The following CLIC5 variants were observed in gnomAD, a reference collection of about 807,000 sequenced individuals.
CLIC5 encodes the protein chloride intracellular channel protein 5.
CLIC5 carries 20 observed loss-of-function variants against 24.7 expected under a neutral mutation model. The ratio of observed to expected loss-of-function variants is 0.81; its 90% CI spans 0.57 to 1.18. The LOEUF (loss-of-function observed/expected upper bound fraction) is 1.18. CLIC5 is among the 50% of genes most tolerant of loss of function. CLIC5 has a pLI of 0.00. For synonymous variants in CLIC5, 159 were observed against 135.6 expected (o/e 1.17, Z -1.20); for missense variants, 341 against 326.1 (o/e 1.05, Z -0.35).
chr6:45,929,769 G>A (rs1259778753), intron 4 of CLIC5, among the ~76,000 whole-genome samples: 2 of 152,206 alleles, frequency 1.3e-5, no homozygotes, highest in Non-Finnish European at 2.9e-5. Flanking sequence ...CAAAAGAACT[G>A]CTTCCAACAG....
chr6:45,894,314 C>T (rs921131946), downstream of CLIC5, among the ~76,000 whole-genome samples: 25 of 152,160 alleles, frequency 1.6e-4, no homozygotes, highest in African/African-American at 5.8e-4. Flanking sequence ...ATAGGTGCGC[C>T]TTTTGACTTA....
In CLIC5 at chr6:45,919,580, C is replaced by CA. The variant is rs1763171164; in HGVS notation, c.407-5172dup. 2.6e-5 allele frequency among the ~76,000 whole-genome samples: 4 copies of CA among 152,250 alleles called. No homozygotes were observed. The South Asian group carries it at 8.3e-4, about 32-fold the overall frequency. ...TTTAGTTTTCCCAGGTCAAATGGCCCACCAATCATTGAGCAGAAAGCCTCG... is the reference window on the plus strand; with the variant it reads ...TTTAGTTTTCCCAGGTCAAATGGCCCAACCAATCATTGAGCAGAAAGCCTCG... On this transcript the variant is annotated intron_variant, in intron 4 of 5. Coordinates refer to ENST00000339561, the MANE Select transcript of CLIC5 (RefSeq NM_016929.5).
At chr6:45,979,266 G>A (rs868149620) in intron 1 of CLIC5, among the ~76,000 whole-genome samples, 2 of 152,170 alleles carry the variant, frequency 1.3e-5, no homozygotes, top group African/African-American at 4.8e-5. Context: ...AATCTTCAAA[G>A]TTCAGGGGAA....
At chr6:46,110,401 C>T in the CLIC5 span, among the ~76,000 whole-genome samples, 1 of 152,172 alleles carries the variant, frequency 6.6e-6, no homozygotes, top group African/African-American at 2.4e-5. Flanking sequence ...ATCACCCCAA[C>T]AGGAAACTAT....
intron 1 of CLIC5, among the ~76,000 whole-genome samples, chr6:46,056,798 G>A (rs904395545): frequency 2.0e-5 from 3 of 152,170 alleles, no homozygotes; most frequent in African/African-American, 7.2e-5. Flanking sequence ...AAGTCAATGA[G>A]ATCTCTGTAT....
At chr6:46,083,604 C>G (rs1052843822), upstream of CLIC5, among the ~76,000 whole-genome samples, 1 of 152,050 alleles carries the variant, frequency 6.6e-6, no homozygotes, top group African/African-American at 2.4e-5. Context: ...TTTCTTAATC[C>G]TGAGTTCTAT....
At chr6:46,079,657 A>G (rs1252337127) in intron 1 of CLIC5, 4 of 1,468,810 alleles carry the variant, frequency 2.7e-6, no homozygotes, top group Non-Finnish European at 3.7e-6. Flanking sequence ...AACACCAGCC[A>G]TAATATCTGC....
intron 1 of CLIC5, among the ~76,000 whole-genome samples, chr6:46,035,179 CA>C (rs1375042444): frequency 6.6e-6 from 1 of 152,144 alleles, no homozygotes; most frequent in African/African-American, 2.4e-5. Context: ...TTCAAAGTAT[CA>C]ATGGCAAAAC....
In CLIC5 at chr6:45,908,336, T is replaced by C. The variant is rs1411689661; in HGVS notation, c.589-5081A>G. On this transcript the variant is annotated intron_variant, in intron 5 of 5. Coordinates refer to ENST00000339561, the MANE Select transcript of CLIC5 (RefSeq NM_016929.5). ...TAGCTTTGAGGTTAGTTTGTTCCTG[T>C]TTTTCTAGTTCCTCTAGGTGTGATG... Among the ~76,000 whole-genome samples, 4 of 152,146 alleles carry C rather than the reference T, an allele frequency of 2.6e-5. No individual in the cohort carries two copies. In the East Asian group the frequency reaches 5.8e-4, roughly 22 times the overall value.
the CLIC5 span, among the ~76,000 whole-genome samples, chr6:46,100,041 C>T: frequency 6.6e-6 from 1 of 151,402 alleles, no homozygotes; most frequent in South Asian, 2.1e-4. Flanking sequence ...AAATTGCCAA[C>T]CAGTTTTCTT....
the CLIC5 span, among the ~76,000 whole-genome samples, chr6:46,120,653 G>A: frequency 0.016 from 2,466 of 152,226 alleles, 26 homozygotes; most frequent in Non-Finnish European, 0.021. Flanking sequence ...GAGGAAGTAC[G>A]AACCCATCAT....
the CLIC5 span, among the ~76,000 whole-genome samples, chr6:46,096,883 T>C: frequency 5.9e-5 from 9 of 152,178 alleles, no homozygotes; most frequent in African/African-American, 2.2e-4. Context: ...AAATCTATAG[T>C]TTGTTAAAAG....
At chr6:45,942,428 C>T (rs1764165856) in intron 3 of CLIC5, among the ~76,000 whole-genome samples, 2 of 152,066 alleles carry the variant, frequency 1.3e-5, no homozygotes. Flanking sequence ...GAACCCAGGG[C>T]TTGGACTCAT....
intron 1 of CLIC5, among the ~76,000 whole-genome samples, chr6:46,038,123 T>C (rs150270308): frequency 4.4e-4 from 67 of 152,270 alleles, no homozygotes; most frequent in Middle Eastern, 6.8e-3. Flanking sequence ...GATATACTAA[T>C]TCTCAAGTAG....
chr6:45,979,951 C>CTTTTTTTTTTTTTTTTTTTTTTT (rs3997321), intron 1 of CLIC5, among the ~76,000 whole-genome samples: 2 of 95,042 alleles, frequency 2.1e-5, no homozygotes, highest in Non-Finnish European at 2.0e-5. Context: ...GACTTAGTCA[C>CTTTTTTTTTTTTTTTTTTTTTTT]TTTTTTTTTT....
At chr6:46,094,584 CTTCT>C in the CLIC5 span, among the ~76,000 whole-genome samples, 1 of 152,196 alleles carries the variant, frequency 6.6e-6, no homozygotes, top group African/African-American at 2.4e-5. Flanking sequence ...CCAAAATAAT[CTTCT>C]TTGACTTCAT....
intron 1 of CLIC5, among the ~76,000 whole-genome samples, chr6:45,969,325 T>G (rs1222571184): frequency 1.3e-5 from 2 of 152,194 alleles, no homozygotes; most frequent in Non-Finnish European, 2.9e-5. Flanking sequence ...TGCTAGCTGC[T>G]TCTGGGCTCT....
intron 1 of CLIC5, among the ~76,000 whole-genome samples, chr6:45,973,746 G>A (rs59001937): frequency 0.38 from 57,007 of 151,672 alleles, 11,947 homozygotes; most frequent in African/African-American, 0.56. Context: ...AGACCATCCT[G>A]GACAACATGG....
At chr6:46,057,357 T>C (rs1346588819) in intron 1 of CLIC5, among the ~76,000 whole-genome samples, 1 of 152,214 alleles carries the variant, frequency 6.6e-6, no homozygotes, top group Non-Finnish European at 1.5e-5. Context: ...TCATTTTCTC[T>C]GGCCACCGCC....
Sources: gnomAD v4.1 joint callset for allele counts (sites outside exome capture counted in the v4.1 genomes callset) on GRCh38, gnomAD v4.1.1 for gene constraint, MANE v1.5 for transcripts, NCBI Gene and HGNC (gene_info 2026-07-23, HGNC 2026-07-21) for gene names.